ABCC11: variants seen among roughly 807,000 people sequenced by gnomAD.
ABCC11 encodes ATP-binding cassette sub-family C member 11.
A neutral mutation model predicts 149.3 loss-of-function variants in ABCC11; 135 were observed. That is an observed-to-expected ratio of 0.90 (90% CI 0.79 to 1.04). The LOEUF is 1.04. Among genes scored for constraint, ABCC11 ranks in the 50% least tolerant of loss-of-function variants. ABCC11 has a pLI of 0.00. For synonymous variants in ABCC11, 665 were observed against 671.4 expected (o/e 0.99, Z 0.15); for missense variants, 1,680 against 1,722.1 (o/e 0.98, Z 0.43).
At chr16:48,203,159 C>A in intron 14 of ABCC11, 69 bp downstream of exon 14, 2 of 1,453,158 alleles carry the variant, frequency 1.4e-6, no homozygotes, top group Non-Finnish European at 1.9e-6. Context: ...CCCTTCCCTG[C>A]CTGGGGAGGC....
rs1969817276 is a variant in ABCC11, at chr16:48,222,595, T to C, written c.777+3A>G. 1.9e-6 allele frequency: 3 copies of C among 1,612,696 alleles called. No individual in the cohort carries two copies. The highest frequency in any genetic ancestry group is 1.7e-4 in the Middle Eastern group (1 of 6,058). On this transcript the variant is annotated splice_donor_region_variant and intron_variant, in intron 6 of 29. Transcript: ENST00000356608. Reference sequence around the variant, plus strand: ...CCCAGAATAGGCAGTCCCAGCTGCTTACCTCTCCTGAGGTGATGTGTATTA... The same window carrying C: ...CCCAGAATAGGCAGTCCCAGCTGCTCACCTCTCCTGAGGTGATGTGTATTA...
chr16:48,244,348 C>T lies in ABCC11; in HGVS notation c.-19+2966G>A. 3 of 1,435,674 alleles carry T rather than the reference C, an allele frequency of 2.1e-6. No individual in the cohort carries two copies. The South Asian group carries it at 4.0e-5, about 19-fold the overall frequency. The allele number at this position is 1,435,674 out of a possible 1,614,324, so 88.9% of individuals were successfully genotyped here. On this transcript the variant is annotated intron_variant, in intron 1 of 29. Coordinates refer to ENST00000356608, the MANE Select transcript of ABCC11 (RefSeq NM_001370497.1). ...GGGCAGGCCGGGGGCAGCTGTCTGTCTGGCTCTTTTTGACAGCCCCCAGTG... is the reference window on the plus strand; with the variant it reads ...GGGCAGGCCGGGGGCAGCTGTCTGTTTGGCTCTTTTTGACAGCCCCCAGTG...
intron 17 of ABCC11, 87 bp downstream of exon 17, chr16:48,197,884 A>G: frequency 1.4e-6 from 2 of 1,404,772 alleles, no homozygotes; most frequent in Non-Finnish European, 2.0e-6. Flanking sequence ...GACATGGCCC[A>G]GTCTGGGGTC....
chr16:48,232,088 C>A, intron 1 of ABCC11, 149 bp from the exon 2 acceptor site: 1 of 1,412,400 alleles, frequency 7.1e-7, no homozygotes, highest in Non-Finnish European at 9.3e-7. Context: ...CTTTCCTCTC[C>A]TTAGCCTGTG....
At chr16:48,232,107 C>T (rs906086941) in intron 1 of ABCC11, 168 bp from the exon 2 acceptor site, 8 of 1,361,770 alleles carry the variant, frequency 5.9e-6, no homozygotes, top group African/African-American at 1.5e-5. Flanking sequence ...TGCTTGATCC[C>T]TCTTTTTAAA....
chr16:48,229,025 T>TG (rs1970261636), intron 3 of ABCC11, among the ~76,000 whole-genome samples: 2 of 152,090 alleles, frequency 1.3e-5, no homozygotes, highest in African/African-American at 4.8e-5. Context: ...AGATTTCTTT[T>TG]GGGGGGTAGG....
At chr16:48,199,246 A>G (rs1247275229) in intron 15 of ABCC11, among the ~76,000 whole-genome samples, 1 of 152,100 alleles carries the variant, frequency 6.6e-6, no homozygotes, top group Non-Finnish European at 1.5e-5. Flanking sequence ...CATGCATGGA[A>G]ACAATAAACA....
intron 1 of ABCC11, among the ~76,000 whole-genome samples, chr16:48,237,635 G>A (rs558187761): frequency 6.6e-6 from 1 of 152,098 alleles, no homozygotes; most frequent in Non-Finnish European, 1.5e-5. Context: ...CTCTCCCATG[G>A]CTTCCGTCAG....
intron 13 of ABCC11, 147 bp downstream of exon 13, chr16:48,205,265 AT>A (rs987430190): frequency 8.0e-7 from 1 of 1,253,234 alleles, no homozygotes; most frequent in Non-Finnish European, 1.1e-6. Context: ...ATATGATGGT[AT>A]TTCTTTCACA....
chr16:48,214,877 T>A lies in ABCC11; in HGVS notation c.1248+4A>T. ...GGAGAAAACAAAGCCCCCCAAACCC[T>A]TACCATTGACGCTGTGAGTTTCAGC... On this transcript the variant is annotated splice_donor_region_variant and intron_variant, in intron 9 of 29. Transcript: ENST00000356608. 6.2e-7 allele frequency: 1 copy of A among 1,614,056 alleles called. No individual in the cohort carries two copies.
At chr16:48,235,783 CA>C (rs1970657495) in intron 1 of ABCC11, among the ~76,000 whole-genome samples, 1 of 152,212 alleles carries the variant, frequency 6.6e-6, no homozygotes, top group Non-Finnish European at 1.5e-5. Flanking sequence ...GAGGAAACAG[CA>C]GATGCTTCCA....
intron 13 of ABCC11, among the ~76,000 whole-genome samples, chr16:48,204,463 C>T (rs762817539): frequency 2.6e-5 from 4 of 152,294 alleles, no homozygotes; most frequent in East Asian, 1.9e-4. Context: ...GGCTTATTCA[C>T]GATCGGTGAC....
rs773337191 is a variant in ABCC11 at position 48,177,117 on chromosome 16, G to A, written c.3349-4C>T. 5 of 1,610,076 alleles carry A rather than the reference G, an allele frequency of 3.1e-6. No homozygotes were observed. The highest frequency in any genetic ancestry group is 4.2e-6 in the Non-Finnish European group (5 of 1,178,250). ...AAGGAGCTTCCGAGACACACATCTT[G>A]TTTTTGAAGAAAGAAAAAGAAATCA... On this transcript the variant is annotated splice_polypyrimidine_tract_variant and splice_region_variant and intron_variant, in intron 24 of 29. Coordinates refer to ENST00000356608, the MANE Select transcript of ABCC11 (RefSeq NM_001370497.1).
intron 12 of ABCC11, among the ~76,000 whole-genome samples, chr16:48,206,256 A>G (rs974298695): frequency 1.3e-5 from 2 of 152,198 alleles, no homozygotes; most frequent in African/African-American, 4.8e-5. Flanking sequence ...AGGCAGAAAA[A>G]TGTTCTTACT....
intron 1 of ABCC11, among the ~76,000 whole-genome samples, chr16:48,238,923 G>A (rs1301443708): frequency 8.5e-6 from 1 of 117,456 alleles, no homozygotes. Flanking sequence ...GGCGACAGAG[G>A]AGACTCTGTC....
chr16:48,192,405 C>T lies in ABCC11; in HGVS notation c.2706+115G>A, dbSNP rs1016469730. On this transcript the variant is annotated intron_variant, in intron 20 of 29. Coordinates refer to ENST00000356608, the MANE Select transcript of ABCC11 (RefSeq NM_001370497.1). ...GTTGCCATGAGTGGAGATTGTGCCA[C>T]TGCACTCCAGCCTGGGCTACAGAGC... 4.0e-5 allele frequency: 47 copies of T among 1,174,326 alleles called. 1 individual carries two copies. The East Asian group carries it at 1.2e-3, about 30-fold the overall frequency. 72.7% of individuals were successfully genotyped at this position (1,174,326 alleles called of 1,614,324 possible). A position where few individuals can be genotyped will look rare whatever the true frequency, so the allele number is the denominator to read the frequency against.
intron 1 of ABCC11, among the ~76,000 whole-genome samples, chr16:48,240,622 G>A (rs184362441): frequency 3.9e-4 from 59 of 151,934 alleles, no homozygotes; most frequent in Admixed American, 7.2e-4. Flanking sequence ...AAACCACCAC[G>A]GCACATGTTT....
At chr16:48,196,719 T>C (rs1967454134) in intron 17 of ABCC11, among the ~76,000 whole-genome samples, 1 of 152,236 alleles carries the variant, frequency 6.6e-6, no homozygotes, top group African/African-American at 2.4e-5. Flanking sequence ...GCCGAGAAGT[T>C]TGCTAAGATG....
At chr16:48,227,245 A>C (rs1970130842) in intron 4 of ABCC11, among the ~76,000 whole-genome samples, 1 of 152,126 alleles carries the variant, frequency 6.6e-6, no homozygotes, top group African/African-American at 2.4e-5. Flanking sequence ...AGGCCAAGGC[A>C]GGTGGATCAC....
Sources: gnomAD v4.1 joint callset for allele counts (sites outside exome capture counted in the v4.1 genomes callset) on GRCh38, gnomAD v4.1.1 for gene constraint, MANE v1.5 for transcripts, NCBI Gene and HGNC (gene_info 2026-07-23, HGNC 2026-07-21) for gene names.